Variants in MIER1 observed in about 807,000 individuals in gnomAD.
The protein encoded by MIER1 is mesoderm induction early response protein 1.
In MIER1, 40 loss-of-function variants were observed where a neutral mutation model predicts 75.7. The observed-to-expected ratio is 0.53, with a 90% CI of 0.41 to 0.69. The LOEUF is 0.69. Among genes scored for constraint, MIER1 ranks in the 30% least tolerant of loss-of-function variants. The probability of loss-of-function intolerance (pLI) is 0.00; values close to 1 mark genes in which losing one functional copy is unlikely to be tolerated. For missense variants in MIER1, 574 were observed against 680.2 expected, an observed-to-expected ratio of 0.84 and a Z score of 1.74; for synonymous variants, 213 against 223.4, an observed-to-expected ratio of 0.95 and a Z score of 0.42.
rs1570570224 is a variant in MIER1 at position 66,984,700 on chromosome 1, G to A, written c.1498G>A (p.Glu500Lys). Residue 500 changes from glutamate to lysine, a missense_variant, in exon 14 of 14, where the codon GAA becomes AAA. Physicochemically the swap from Glu to Lys is moderately conservative, Grantham distance 56. Transcript: ENST00000401041. ...LHADMDTNGY[E>K]TDNLTTDPKL... ...TGCAGATATGGATACTAATGGTTAT[G>A]AAACAGATAACCTTACCACTGACCC... is the stretch of plus-strand genomic sequence containing the variant. The A allele has an allele frequency of 6.2e-7, 1 of 1,613,892 alleles. No homozygotes were observed.
chr1:66,940,114 TAA>T (rs2101259225), intron 3 of MIER1, 62 bp downstream of exon 3: 1 of 1,251,360 alleles, frequency 8.0e-7, no homozygotes, highest in South Asian at 1.2e-5. Flanking sequence ...ACTAGTTGCA[TAA>T]AGACTAGAGG....
At position 66,976,575 on chromosome 1, in the gene MIER1, C is replaced by T; in HGVS notation, c.1102-20C>T. ...TTGTTAAAAAGGAGATTCTTAAAAG[C>T]AAGCATTTGTTTCTTACAGGTCCGA... On this transcript the variant is annotated intron_variant, in intron 11 of 13. Transcript: ENST00000401041. 4 of 1,538,752 alleles carry T rather than the reference C, an allele frequency of 2.6e-6. No homozygotes were observed. The highest frequency in any genetic ancestry group is 2.3e-5 in the East Asian group (1 of 43,078).
intron 2 of MIER1, 89 bp downstream of exon 2, chr1:66,926,331 C>A: frequency 9.3e-7 from 1 of 1,079,256 alleles, no homozygotes; most frequent in African/African-American, 1.6e-5. Context: ...TTATATGTTC[C>A]AGTGTTTGAG....
rs532064910 is a variant in MIER1 at position 66,925,412 on chromosome 1, C to G, written c.67+317C>G. 3.0e-6 allele frequency: 3 copies of G among 985,466 alleles called. No homozygotes were observed. The East Asian group carries it at 3.4e-4, about 112-fold the overall frequency. 61.0% of individuals were successfully genotyped at this position (985,466 alleles called of 1,614,324 possible). A position where few individuals can be genotyped will look rare whatever the true frequency, so the allele number is the denominator to read the frequency against. On this transcript the variant is annotated intron_variant, in intron 1 of 13. Coordinates refer to ENST00000401041, the MANE Select transcript of MIER1 (RefSeq NM_001077700.3). ...TTCGCCTCGCCCCGTTCGCTTCGGT[C>G]CCTGATCCCAGTCGGGGTGGGGCTA...
chr1:66,964,445 T>C (rs1661927744), intron 8 of MIER1, among the ~76,000 whole-genome samples: 1 of 89,104 alleles, frequency 1.1e-5, no homozygotes, highest in Admixed American at 1.6e-4. Flanking sequence ...CTGTGTATGT[T>C]TCCTTTTTTT....
rs1244313392 is a variant in MIER1 at position 66,985,954 on chromosome 1, G to A, written c.*1054G>A. Reference sequence around the variant, plus strand: ...AAATTATTTTTGAAGCAAGACAAAAGTTTAATGTCAGCTTAAGTGCTTAAA... The same window carrying A: ...AAATTATTTTTGAAGCAAGACAAAAATTTAATGTCAGCTTAAGTGCTTAAA... On this transcript the variant is annotated 3_prime_UTR_variant, in exon 14 of 14. Transcript: ENST00000401041. 3 of 984,330 alleles carry A rather than the reference G, an allele frequency of 3.0e-6. No individual in the cohort carries two copies. In the East Asian group the frequency reaches 3.4e-4, roughly 111 times the overall value. 61.0% of individuals were successfully genotyped at this position (984,330 alleles called of 1,614,324 possible). A position where few individuals can be genotyped will look rare whatever the true frequency, so the allele number is the denominator to read the frequency against.
chr1:66,978,466 T>A (rs1665207854), intron 12 of MIER1, among the ~76,000 whole-genome samples: 1 of 152,320 alleles, frequency 6.6e-6, no homozygotes, highest in East Asian at 1.9e-4. Flanking sequence ...ATTTCATAAA[T>A]AGCAGTATTG....
At chr1:66,965,331 A>G (rs1398662784) in intron 8 of MIER1, among the ~76,000 whole-genome samples, 1 of 152,036 alleles carries the variant, frequency 6.6e-6, no homozygotes, top group Non-Finnish European at 1.5e-5. Flanking sequence ...TGTTTTTATT[A>G]AATTTCTTTT....
chr1:66,949,290 GAT>G (rs1658382976), intron 4 of MIER1, among the ~76,000 whole-genome samples: 1 of 152,054 alleles, frequency 6.6e-6, no homozygotes, highest in African/African-American at 2.4e-5. Context: ...CAGAAAATGA[GAT>G]ATTTATTACA....
chr1:66,951,679 A>T (rs1418327156), intron 4 of MIER1, among the ~76,000 whole-genome samples: 1 of 151,852 alleles, frequency 6.6e-6, no homozygotes, highest in Non-Finnish European at 1.5e-5. Context: ...TCCTGCGTTC[A>T]TGCCTTTCTC....
chr1:66,942,749 A>T (rs1343143767), intron 3 of MIER1, among the ~76,000 whole-genome samples: 1 of 152,220 alleles, frequency 6.6e-6, no homozygotes, highest in Non-Finnish European at 1.5e-5. Context: ...AGTTTATAGA[A>T]AAAAGCGTAG....
chr1:66,948,277 GAAAT>G, intron 4 of MIER1: 1 of 901,346 alleles, frequency 1.1e-6, no homozygotes, highest in Non-Finnish European at 1.3e-6. Flanking sequence ...AAGAACATAA[GAAAT>G]AAGACATAGT....
At chr1:66,969,727 A>G (rs536421968) in intron 8 of MIER1, among the ~76,000 whole-genome samples, 4 of 152,022 alleles carry the variant, frequency 2.6e-5, no homozygotes, top group East Asian at 1.9e-4. Context: ...CTCATCTTTG[A>G]AAACAAACAA....
chr1:66,959,232 T>C (rs1048078507), intron 6 of MIER1, among the ~76,000 whole-genome samples: 1 of 152,152 alleles, frequency 6.6e-6, no homozygotes, highest in African/African-American at 2.4e-5. Flanking sequence ...TGTTTTTAAA[T>C]GTTTGTTTCA....
chr1:66,959,324 T>G (rs773055813), intron 6 of MIER1, among the ~76,000 whole-genome samples: 26 of 152,136 alleles, frequency 1.7e-4, no homozygotes, highest in Non-Finnish European at 2.8e-4. Flanking sequence ...TTTAGGTATA[T>G]TCATAAATAC....
At chr1:66,964,231 C>T (rs1353303907) in intron 8 of MIER1, among the ~76,000 whole-genome samples, 1 of 151,202 alleles carries the variant, frequency 6.6e-6, no homozygotes, top group African/African-American at 2.4e-5. Context: ...ACCACCACGC[C>T]CAGCTAATTT....
chr1:66,971,322 A>C (rs1159927878), intron 9 of MIER1, among the ~76,000 whole-genome samples: 1 of 151,878 alleles, frequency 6.6e-6, no homozygotes, highest in Non-Finnish European at 1.5e-5. Context: ...CTTTTTAATC[A>C]TTGTTTTTTT....
chr1:66,960,546 GT>G (rs1416918594), intron 7 of MIER1, among the ~76,000 whole-genome samples: 1 of 152,100 alleles, frequency 6.6e-6, no homozygotes, highest in Non-Finnish European at 1.5e-5. Context: ...TTGCAGTGAT[GT>G]TTCCCCTGTT....
chr1:66,925,248 A>T, intron 1 of MIER1, 153 bp downstream of exon 1: 1 of 983,530 alleles, frequency 1.0e-6, no homozygotes, highest in Non-Finnish European at 1.2e-6. Context: ...GGGCTGCCGC[A>T]GAACGCGCCT....
Sources: gnomAD v4.1 joint callset for allele counts (sites outside exome capture counted in the v4.1 genomes callset) on GRCh38, gnomAD v4.1.1 for gene constraint, MANE v1.5 for transcripts, NCBI Gene and HGNC (gene_info 2026-07-23, HGNC 2026-07-21) for gene names.